Variants in PKHD1L1 observed in about 807,000 individuals in gnomAD.
PKHD1L1 encodes the protein fibrocystin-L.
A neutral mutation model predicts 462.9 loss-of-function variants in PKHD1L1; 434 were observed. The ratio of observed to expected loss-of-function variants is 0.94; its 90% CI spans 0.87 to 1.02. The LOEUF (loss-of-function observed/expected upper bound fraction) is 1.02, where lower values mean the gene tolerates loss of function less well. Among genes scored for constraint, PKHD1L1 ranks in the 50% least tolerant of loss-of-function variants. PKHD1L1 has a pLI of 0.00. For synonymous variants in PKHD1L1, 1,781 were observed against 1,750.0 expected (o/e 1.02, Z -0.44); for missense variants, 5,202 against 5,096.1 (o/e 1.02, Z -0.63).
chr8:109,409,837 G>A (rs1261218690), intron 18 of PKHD1L1, 28 bp from the exon 19 acceptor site: 9 of 1,320,662 alleles, frequency 6.8e-6, no homozygotes, highest in Non-Finnish European at 5.3e-6. Context: ...ATGAAAAGAA[G>A]TTACTAATGT....
intron 37 of PKHD1L1, among the ~76,000 whole-genome samples, chr8:109,444,153 A>G (rs947967909): frequency 6.6e-6 from 1 of 151,274 alleles, no homozygotes; most frequent in Non-Finnish European, 1.5e-5. Flanking sequence ...CTTAGATATC[A>G]CACCTAACCC....
In PKHD1L1 at chr8:109,439,077, G is replaced by T. The variant is rs61745556; in HGVS notation, c.3941G>T (p.Gly1314Val). The T allele has an allele frequency of 6.3e-4, 1,008 of 1,612,726 alleles. No individual in the cohort carries two copies. The highest frequency in any genetic ancestry group is 8.2e-4 in the Non-Finnish European group (962 of 1,179,380). The change falls in exon 32 of 78, where the codon GGT (glycine) becomes GTT (valine). Residue 1314 changes from glycine (G) to valine (V), a missense_variant. Physicochemically the swap from Gly to Val is moderately radical, Grantham distance 109 (BLOSUM62 -3). Around this residue, in one of 3 missense-constraint regions of PKHD1L1, gnomAD observed 4,497 missense variants for 4,336.8 expected, o/e 1.04. Coordinates refer to ENST00000378402, the MANE Select transcript of PKHD1L1 (RefSeq NM_177531.6). ...ATCTATGTAGAAGTCAGAAACTGGG[G>T]TTTTGCATCAACAAGGTATGATAAT... Reference protein sequence around the residue: ...HDIYVEVRNWGFASTRDKLNS... With the variant: ...HDIYVEVRNWVFASTRDKLNS...
chr8:109,381,643 A>G lies in PKHD1L1; in HGVS notation c.308+129A>G, dbSNP rs936368033. The G allele has an allele frequency of 7.1e-6, 5 of 703,412 alleles. No individual in the cohort carries two copies. The African/African-American group carries it at 9.2e-5, about 13-fold the overall frequency. 43.6% of individuals were successfully genotyped at this position (703,412 alleles called of 1,614,324 possible). A position where few individuals can be genotyped will look rare whatever the true frequency, so the allele number is the denominator to read the frequency against. On this transcript the variant is annotated intron_variant, in intron 3 of 77. Coordinates refer to ENST00000378402, the MANE Select transcript of PKHD1L1 (RefSeq NM_177531.6). The stretch of plus-strand genomic sequence containing the variant: ...AATATTTTTCTGATTATAGGTTAGT[A>G]TTTTTCATTTTGTGATGTTTAGACT...
At chr8:109,469,626 C>T (rs931943934) in intron 50 of PKHD1L1, among the ~76,000 whole-genome samples, 1 of 152,138 alleles carries the variant, frequency 6.6e-6, no homozygotes, top group African/African-American at 2.4e-5. Flanking sequence ...TAAGTTATTA[C>T]ATTTAATTTT....
chr8:109,452,338 T>A, intron 42 of PKHD1L1, 58 bp downstream of exon 42: 1 of 1,374,304 alleles, frequency 7.3e-7, no homozygotes, highest in Non-Finnish European at 9.6e-7. Context: ...TTATGGGAGG[T>A]GGGCTAATTG....
intron 48 of PKHD1L1, among the ~76,000 whole-genome samples, chr8:109,463,717 A>G (rs1190999514): frequency 3.3e-5 from 5 of 152,210 alleles, no homozygotes; most frequent in Admixed American, 6.5e-5. Flanking sequence ...AACCATAAAC[A>G]AGATGCTCAG....
At chr8:109,407,602 C>T (rs977783340) in intron 17 of PKHD1L1, among the ~76,000 whole-genome samples, 1 of 152,158 alleles carries the variant, frequency 6.6e-6, no homozygotes, top group Non-Finnish European at 1.5e-5. Flanking sequence ...GAACAAACCT[C>T]ACAGATCAGA....
Position 109,409,860 on chromosome 8 carries a change from T to C in PKHD1L1, c.1972-5T>C, listed in dbSNP as rs760372278. On this transcript the variant is annotated splice_polypyrimidine_tract_variant and splice_region_variant and intron_variant, in intron 18 of 77. Transcript: ENST00000378402. The stretch of plus-strand genomic sequence containing the variant: ...AAGTTACTAATGTTTATATTGTTAA[T>C]TTAGTTTCAGGGAGCAGTGGAAGAA... The C allele has an allele frequency of 7.1e-6, 11 of 1,540,814 alleles. No individual in the cohort carries two copies. The highest frequency in any genetic ancestry group is 7.9e-6 in the Non-Finnish European group (9 of 1,132,372).
chr8:109,457,794 A>G (rs1175610785), intron 46 of PKHD1L1, among the ~76,000 whole-genome samples: 1 of 152,226 alleles, frequency 6.6e-6, no homozygotes, highest in Non-Finnish European at 1.5e-5. Context: ...CATACAACAT[A>G]TGAAAATGCT....
In PKHD1L1 at chr8:109,522,821, T is replaced by G; in HGVS notation, c.12261T>G (p.Thr4087=). The G allele has an allele frequency of 6.2e-7, 1 of 1,612,400 alleles. No homozygotes were observed. Among genetic ancestry groups the G allele is most frequent in the Non-Finnish European group, 8.5e-7 (1 of 1,179,408 alleles). ...VAFVSSLLVI[T]QPVAAQPGQP... ...TCGTGTCCTCACTCTTAGTGATCAC[T>G]CAGCCGGTGGCAGCACAGCCAGGAC... Residue 4087 remains threonine (T), a synonymous_variant, in exon 75 of 78, where the codon ACT becomes ACG. Coordinates refer to ENST00000378402, the MANE Select transcript of PKHD1L1 (RefSeq NM_177531.6).
At position 109,488,759 on chromosome 8, in the gene PKHD1L1, T is replaced by C. The variant is rs185791747; in HGVS notation, c.9881-1193T>C. On this transcript the variant is annotated intron_variant, in intron 59 of 77. Coordinates refer to ENST00000378402, the MANE Select transcript of PKHD1L1 (RefSeq NM_177531.6). ...CTGATGATGATGGTGCTGCTGCTGC[T>C]GATAATGATGGTGATGGTAATGACG... Among the ~76,000 whole-genome samples the C allele has an allele frequency of 1.4e-4, 22 of 152,104 alleles. No homozygotes were observed. In the East Asian group the frequency reaches 4.3e-3, roughly 29 times the overall value.
Position 109,364,550 on chromosome 8 carries a change from GCTCTCAAATAATC to G in PKHD1L1, c.79_91del (p.Ser27ProfsTer6). On this transcript the variant is annotated frameshift_variant, in exon 2 of 78. Coordinates refer to ENST00000378402, the MANE Select transcript of PKHD1L1 (RefSeq NM_177531.6). LOFTEE classifies it high-confidence loss of function. ...ACTGTATTTTAATATTTTTCAGATGGCTCTCAAATAATCCCCAAAGTCACAGAAATAATACCTA... is the reference window on the plus strand; with the variant it reads ...ACTGTATTTTAATATTTTTCAGATGGCCCAAAGTCACAGAAATAATACCTA... 6.3e-7 allele frequency: 1 copy of G among 1,580,678 alleles called. No individual in the cohort carries two copies. The highest frequency in any genetic ancestry group is 8.6e-7 in the Non-Finnish European group (1 of 1,156,510).
Position 109,498,514 on chromosome 8 carries a change from C to A in PKHD1L1, c.10652C>A (p.Thr3551Asn). 6.2e-7 allele frequency: 1 copy of A among 1,613,836 alleles called. No individual in the cohort carries two copies. The change falls in exon 66 of 78, where the codon ACT becomes AAT. Residue 3551 changes from threonine (T) to asparagine (N), a missense_variant. This residue lies in a region of PKHD1L1 where 4,497 missense variants were observed against 4,336.8 expected (regional missense o/e 1.04). Transcript: ENST00000378402. The part of the protein sequence containing the change: ...SPGFNCSDVL[T>N]NDDPNIELTA... ...GGGTTTAATTGCTCTGATGTCCTAA[C>A]TAATGATGATCCTAATATTGAACTC...
rs563547682 is a variant in PKHD1L1 at position 109,421,415 on chromosome 8, G to A, written c.2697+725G>A. ...TGCCTTTATCCCATCCTGGCCCAAT[G>A]TTTTAGTCTTAATATCTTCCAGATT... On this transcript the variant is annotated intron_variant, in intron 23 of 77. Coordinates refer to ENST00000378402, the MANE Select transcript of PKHD1L1 (RefSeq NM_177531.6). Among the ~76,000 whole-genome samples the A allele has an allele frequency of 6.6e-5, 10 of 152,218 alleles. No individual in the cohort carries two copies. In the East Asian group the frequency reaches 9.7e-4, roughly 15 times the overall value.
intron 14 of PKHD1L1, 35 bp downstream of exon 14, chr8:109,401,623 G>A (rs1174730512): frequency 3.6e-6 from 4 of 1,106,862 alleles, no homozygotes; most frequent in Admixed American, 2.0e-5. Context: ...TTACTGTGTG[G>A]TATTTATAAG....
At chr8:109,445,672 T>G in intron 38 of PKHD1L1, 27 bp downstream of exon 38, 1 of 1,535,254 alleles carries the variant, frequency 6.5e-7, no homozygotes, top group Non-Finnish European at 8.9e-7. Context: ...CTTATTATCT[T>G]GATATTATAG....
In PKHD1L1 at chr8:109,464,250, G is replaced by A. The variant is rs769741650; in HGVS notation, c.7418G>A (p.Arg2473Gln). 7 of 1,607,210 alleles carry A rather than the reference G, an allele frequency of 4.4e-6. No homozygotes were observed. Among genetic ancestry groups the A allele is most frequent in the Non-Finnish European group, 6.0e-6 (7 of 1,174,868 alleles). The change falls in exon 49 of 78, where the codon CGA becomes CAA. Residue 2473 changes from arginine (R) to glutamine (Q), a missense_variant. Physicochemically the swap from Arg to Gln is conservative, Grantham distance 43 (BLOSUM62 1). Transcript: ENST00000378402. ...GCTGGCCAGGCTTTCCGGTTGGGGC[G>A]ATATCCAATACATTGGCACCTGCTT... ...FHAGQAFRLG[R>Q]YPIHWHLLGD...
In PKHD1L1 at chr8:109,461,830, C is replaced by T. The variant is rs747867605; in HGVS notation, c.7305C>T (p.Asp2435=). The T allele has an allele frequency of 5.0e-6, 8 of 1,607,986 alleles. No homozygotes were observed. In the East Asian group the frequency reaches 1.8e-4, roughly 36 times the overall value. Residue 2435 remains aspartate (D), a synonymous_variant, in exon 48 of 78, where the codon GAC becomes GAT. Coordinates refer to ENST00000378402, the MANE Select transcript of PKHD1L1 (RefSeq NM_177531.6). ...QGKFGEEIGS[D]QFGGCVMFHA... The stretch of plus-strand genomic sequence containing the variant: ...AGTTTGGAGAAGAAATAGGAAGTGA[C>T]CAATTTGGAGGCTGCGTTATGTTTC...
In PKHD1L1 at chr8:109,396,107, A is replaced by G. The variant is rs767309499; in HGVS notation, c.892A>G (p.Thr298Ala). The G allele has an allele frequency of 6.2e-7, 1 of 1,608,844 alleles. No individual in the cohort carries two copies. Among genetic ancestry groups the G allele is most frequent in the Non-Finnish European group, 8.5e-7 (1 of 1,177,766 alleles). ...AATAAGTGGGCGTTTCTTTGATCAG[A>G]CAGATTTCCCCGTCAGAGTTCTAGT... Reference protein sequence around the residue: ...LTISGRFFDQTDFPVRVLVGG... With the variant: ...LTISGRFFDQADFPVRVLVGG... Residue 298 changes from threonine to alanine, a missense_variant, in exon 11 of 78, where the codon ACA becomes GCA. Thr to Ala is a moderately conservative substitution (Grantham distance 58, BLOSUM62 0). Coordinates refer to ENST00000378402, the MANE Select transcript of PKHD1L1 (RefSeq NM_177531.6).
Sources: allele counts gnomAD v4.1 joint callset (sites outside exome capture counted in the v4.1 genomes callset), GRCh38; gene constraint gnomAD v4.1.1; regional missense constraint gnomAD v4.1.1; transcripts MANE v1.5; gene names NCBI Gene and HGNC (gene_info 2026-07-23, HGNC 2026-07-21).